The following GSE1 variants were observed in gnomAD, a reference collection of about 807,000 sequenced individuals.
GSE1 encodes Gse1 coiled-coil protein.
In GSE1, 32 loss-of-function variants were observed where a neutral mutation model predicts 112.6. The ratio of observed to expected loss-of-function variants is 0.28; its 90% CI spans 0.21 to 0.38. GSE1 has a LOEUF of 0.38. GSE1 is among the 10% of genes least tolerant of loss of function. The probability of loss-of-function intolerance (pLI) is 1.00; values close to 1 mark genes in which losing one functional copy is unlikely to be tolerated. For missense variants in GSE1, 2,348 were observed against 1,699.2 expected (o/e 1.38, Z -6.71); for synonymous variants, 1,115 against 735.6 (o/e 1.52, Z -8.35).
At chr16:85,665,595 T>TCCA (rs2052780703) in intron 12 of GSE1, among the ~76,000 whole-genome samples, 1 of 151,868 alleles carries the variant, frequency 6.6e-6, no homozygotes. Context: ...TTCCTCCTCT[T>TCCA]ACAGTTCTGG....
chr16:85,579,272 C>T (rs1483264647), intron 1 of GSE1, among the ~76,000 whole-genome samples: 5 of 151,992 alleles, frequency 3.3e-5, no homozygotes, highest in East Asian at 1.9e-4. Flanking sequence ...GGGGCTTCTG[C>T]CTGGAGGGTA....
rs377515560 is a variant in GSE1, at chr16:85,654,400, C to T, written c.549C>T (p.Phe183=). The change falls in exon 4 of 16, where the codon TTC becomes TTT. Residue 183 remains phenylalanine, a synonymous_variant. Transcript: ENST00000253458. ...ACCTGCTCAGCACCCCCTACCCCTTCGGCCTCTCCCCCAGCTCAGTTGTGC... is the reference window on the plus strand; with the variant it reads ...ACCTGCTCAGCACCCCCTACCCCTTTGGCCTCTCCCCCAGCTCAGTTGTGC... ...PSHLLSTPYP[F]GLSPSSVVQD... 4.4e-5 allele frequency: 70 copies of T among 1,601,200 alleles called. No individual in the cohort carries two copies. The highest frequency in any genetic ancestry group is 5.7e-5 in the Non-Finnish European group (67 of 1,173,838).
chr16:85,189,380 A>G (rs1157752690), intron 1 of GSE1, among the ~76,000 whole-genome samples: 1 of 152,122 alleles, frequency 6.6e-6, no homozygotes, highest in East Asian at 1.9e-4. Flanking sequence ...TTGACCCTCT[A>G]TTGTTTTTCT....
chr16:85,487,832 G>T (rs1195100146), intron 2 of GSE1, among the ~76,000 whole-genome samples: 1 of 152,206 alleles, frequency 6.6e-6, no homozygotes, highest in Admixed American at 6.5e-5. Context: ...CACGGTTAAC[G>T]TGCCCTTTCC....
At chr16:85,201,308 T>G (rs1164364746) in intron 1 of GSE1, among the ~76,000 whole-genome samples, 1 of 150,622 alleles carries the variant, frequency 6.6e-6, no homozygotes, top group African/African-American at 2.4e-5. Flanking sequence ...TAGGCTCGAG[T>G]GATCCTTGCA....
At chr16:85,571,028 G>A (rs1234848044) in intron 1 of GSE1, among the ~76,000 whole-genome samples, 1 of 152,208 alleles carries the variant, frequency 6.6e-6, no homozygotes, top group South Asian at 2.1e-4. Flanking sequence ...GGTGGGGGAG[G>A]TGTGAAGAGG....
At chr16:85,375,753 G>A (rs1464531419) in intron 2 of GSE1, among the ~76,000 whole-genome samples, 2 of 152,158 alleles carry the variant, frequency 1.3e-5, no homozygotes, top group South Asian at 2.1e-4. Flanking sequence ...TGTCTCTCCC[G>A]GGGGCAGCTC....
rs367709830 is a variant in GSE1 at position 85,191,326 on chromosome 16, T to G, written c.2283+19519T>G. Among the ~76,000 whole-genome samples, 11 of 152,356 alleles carry G rather than the reference T, an allele frequency of 7.2e-5. No individual in the cohort carries two copies. In the South Asian group the frequency reaches 1.0e-3, roughly 14 times the overall value. ...TATAAAATATTGCAGCTTTATTATA[T>G]AATTTGCCCTTTAAAGTGTACAATT... On this transcript the variant is annotated intron_variant, in intron 1 of 2. Coordinates refer to the GSE1 transcript ENST00000637419.
intron 1 of GSE1, among the ~76,000 whole-genome samples, chr16:85,305,466 GTT>G (rs60796923): frequency 0.085 from 12,898 of 150,886 alleles, 1,262 homozygotes; most frequent in African/African-American, 0.23. Flanking sequence ...GTTTTTTGTT[GTT>G]TTTTTTTTTT....
intron 2 of GSE1, among the ~76,000 whole-genome samples, chr16:85,443,796 G>C (rs1407482020): frequency 6.6e-6 from 1 of 152,136 alleles, no homozygotes; most frequent in African/African-American, 2.4e-5. Flanking sequence ...TGCCAGGCAG[G>C]TCCCTCTGCC....
At chr16:85,568,851 C>T (rs1427946739) in intron 1 of GSE1, among the ~76,000 whole-genome samples, 3 of 152,204 alleles carry the variant, frequency 2.0e-5, no homozygotes, top group Admixed American at 1.3e-4. Flanking sequence ...GGTCTGTTCT[C>T]ACTTTGGAGC....
At chr16:85,654,229 A>G (rs1037559396) in intron 3 of GSE1, 49 bp from the exon 4 acceptor site, 57 of 1,533,374 alleles carry the variant, frequency 3.7e-5, no homozygotes, top group Non-Finnish European at 4.9e-5. Flanking sequence ...TCCTGTGGTC[A>G]GTGGCCTATA....
At chr16:85,483,961 G>A (rs1020696032) in intron 2 of GSE1, among the ~76,000 whole-genome samples, 77 of 152,300 alleles carry the variant, frequency 5.1e-4, no homozygotes, top group African/African-American at 1.6e-3. Flanking sequence ...AGACCTAAGC[G>A]TTGGAGGAAA....
chr16:85,417,474 C>T (rs2048728923), intron 2 of GSE1, among the ~76,000 whole-genome samples: 1 of 152,230 alleles, frequency 6.6e-6, no homozygotes, highest in Non-Finnish European at 1.5e-5. Context: ...TTCGGACTCC[C>T]TCTGGCTCTA....
Position 85,667,021 on chromosome 16 carries a change from C to T in GSE1, c.3130+674C>T, listed in dbSNP as rs149837039. Among the ~76,000 whole-genome samples, 300 of 152,338 alleles carry T rather than the reference C, an allele frequency of 2.0e-3. 1 individual carries two copies. The highest frequency in any genetic ancestry group is 6.8e-3 in the African/African-American group (281 of 41,578). On this transcript the variant is annotated intron_variant, in intron 13 of 15. Coordinates refer to ENST00000253458, the MANE Select transcript of GSE1 (RefSeq NM_014615.5). ...ACTCTAGAGGTGTGCATAGGTGATA[C>T]GCAGATACTATGCCACTTTATATCA... is the stretch of plus-strand genomic sequence containing the variant.
chr16:85,219,168 G>A (rs936650327), intron 1 of GSE1, among the ~76,000 whole-genome samples: 3 of 152,064 alleles, frequency 2.0e-5, no homozygotes, highest in East Asian at 3.9e-4. Context: ...ATGAGCCACC[G>A]CGCCCGGCCT....
chr16:85,357,532 C>G (rs374652358), exon 2 of GSE1: 4 of 1,274,466 alleles, frequency 3.1e-6, no homozygotes, highest in Non-Finnish European at 4.1e-6. Context: ...GACCCGGCCA[C>G]GCGCCCCCAC....
chr16:85,591,641 G>T (rs1228505375), intron 1 of GSE1, among the ~76,000 whole-genome samples: 1 of 152,224 alleles, frequency 6.6e-6, no homozygotes, highest in Non-Finnish European at 1.5e-5. Context: ...GGTGCTGGGG[G>T]CTCCTGGCTG....
intron 1 of GSE1, among the ~76,000 whole-genome samples, chr16:85,556,749 G>GT (rs1491501989): frequency 4.7e-5 from 4 of 84,284 alleles, no homozygotes; most frequent in Non-Finnish European, 9.3e-5. Context: ...CGGGTAGCAT[G>GT]CCCCCCCCCC....
Sources: allele counts gnomAD v4.1 joint callset (sites outside exome capture counted in the v4.1 genomes callset), GRCh38; gene constraint gnomAD v4.1.1; transcripts MANE v1.5; gene names NCBI Gene and HGNC (gene_info 2026-07-23, HGNC 2026-07-21).